PLEKHG4B: variants seen among roughly 807,000 people sequenced by gnomAD.
PLEKHG4B encodes the protein pleckstrin homology domain-containing family G member 4B.
In PLEKHG4B, 111 loss-of-function variants were observed where a neutral mutation model predicts 121.3. That is an observed-to-expected ratio of 0.92 (90% CI 0.78 to 1.07). PLEKHG4B has a LOEUF of 1.07. Ranked by LOEUF, PLEKHG4B falls within the 50% of genes least tolerant of loss-of-function variation. The pLI, the probability that PLEKHG4B is intolerant of heterozygous loss-of-function variation, is 0.00. For synonymous variants in PLEKHG4B, 738 were observed against 725.0 expected (o/e 1.02, Z -0.29); for missense variants, 1,831 against 1,757.8 (o/e 1.04, Z -0.74).
chr5:151,675 T>C, intron 7 of PLEKHG4B, 76 bp downstream of exon 7: 2 of 967,366 alleles, frequency 2.1e-6, no homozygotes, highest in Non-Finnish European at 3.1e-6. Context: ...ATGAAACACA[T>C]GAAGGAATTT....
chr5:160,344 T>C (rs926473355), intron 11 of PLEKHG4B, among the ~76,000 whole-genome samples: 2 of 152,212 alleles, frequency 1.3e-5, no homozygotes, highest in African/African-American at 4.8e-5. Flanking sequence ...GTGTTGACTC[T>C]GGATACATTC....
chr5:104,809 C>G (rs1487720291), intron 1 of PLEKHG4B, among the ~76,000 whole-genome samples: 5 of 152,232 alleles, frequency 3.3e-5, no homozygotes, highest in Admixed American at 3.3e-4. Flanking sequence ...AAAAGCACAA[C>G]AATCATGCGT....
chr5:151,079 T>C (rs949730525), intron 6 of PLEKHG4B, among the ~76,000 whole-genome samples: 5 of 152,220 alleles, frequency 3.3e-5, no homozygotes, highest in African/African-American at 1.2e-4. Flanking sequence ...GAGAGGCCAC[T>C]CCTGCCTGAG....
At chr5:136,194 G>A (rs1264136933) in intron 2 of PLEKHG4B, among the ~76,000 whole-genome samples, 1 of 152,108 alleles carries the variant, frequency 6.6e-6, no homozygotes, top group East Asian at 1.9e-4. Context: ...AGACCTAAAT[G>A]TCAAAACTAA....
chr5:174,156 G>T (rs1434056264), intron 18 of PLEKHG4B, 58 bp downstream of exon 18: 1 of 1,259,504 alleles, frequency 7.9e-7, no homozygotes, highest in East Asian at 2.8e-5. Context: ...AGGGGCAGGG[G>T]TCGGGGCTGG....
chr5:107,891 C>G (rs1734023058), intron 1 of PLEKHG4B, among the ~76,000 whole-genome samples: 1 of 152,150 alleles, frequency 6.6e-6, no homozygotes, highest in African/African-American at 2.4e-5. Flanking sequence ...TCCAGGTGTG[C>G]CAGGTTTGTA....
chr5:180,534 C>T (rs1372617449), intron 18 of PLEKHG4B, among the ~76,000 whole-genome samples: 2 of 152,192 alleles, frequency 1.3e-5, no homozygotes, highest in African/African-American at 4.8e-5. Context: ...CTGTGAACGC[C>T]ACATCTGCCC....
intron 7 of PLEKHG4B, among the ~76,000 whole-genome samples, chr5:154,621 CTTT>C (rs35893349): frequency 0.081 from 10,644 of 131,810 alleles, 606 homozygotes; most frequent in African/African-American, 0.21. Context: ...TCCTTCCTCC[CTTT>C]TTTTTTTTTT....
chr5:176,471 C>G (rs572525319), intron 18 of PLEKHG4B, among the ~76,000 whole-genome samples: 20 of 152,328 alleles, frequency 1.3e-4, no homozygotes, highest in Non-Finnish European at 2.8e-4. Flanking sequence ...ATGGCCGCCC[C>G]AGAATGCAGC....
At chr5:122,376 G>A (rs115910379) in intron 2 of PLEKHG4B, among the ~76,000 whole-genome samples, 5 of 152,046 alleles carry the variant, frequency 3.3e-5, no homozygotes, top group East Asian at 1.9e-4. Context: ...GCAACTGAAC[G>A]TTCGTTGTAT....
At chr5:98,060 T>C (rs1447843471) in intron 1 of PLEKHG4B, among the ~76,000 whole-genome samples, 1 of 152,188 alleles carries the variant, frequency 6.6e-6, no homozygotes, top group African/African-American at 2.4e-5. Context: ...TTATCTATTA[T>C]TATTCAGTTT....
At chr5:162,609 C>G in intron 12 of PLEKHG4B, 113 bp from the exon 13 acceptor site, 3 of 789,768 alleles carry the variant, frequency 3.8e-6, no homozygotes, top group Non-Finnish European at 5.3e-6. Context: ...TCTCGCTCTG[C>G]TTTCTGGCCC....
At chr5:152,377 C>CTT (rs34114320) in intron 7 of PLEKHG4B, among the ~76,000 whole-genome samples, 2 of 143,052 alleles carry the variant, frequency 1.4e-5, no homozygotes, top group Non-Finnish European at 1.5e-5. Flanking sequence ...TGCCAAGCTA[C>CTT]TTTTTTTTTT....
Position 107,357 on chromosome 5 carries a change from A to G in PLEKHG4B, c.46-5894A>G, listed in dbSNP as rs78277938. Among the ~76,000 whole-genome samples, 60 of 152,318 alleles carry G rather than the reference A, an allele frequency of 3.9e-4. 1 individual carries two copies. The East Asian group carries it at 0.011, about 29-fold the overall frequency. On this transcript the variant is annotated intron_variant, in intron 1 of 19. Transcript: ENST00000637938. ...GCTCTGGGCCCCATCCTGGGCACCCAGGCCCTGGCTCCACCCTGTCCTGCC... is the reference window on the plus strand; with the variant it reads ...GCTCTGGGCCCCATCCTGGGCACCCGGGCCCTGGCTCCACCCTGTCCTGCC...
intron 18 of PLEKHG4B, 141 bp from the exon 19 acceptor site, chr5:181,373 C>A: frequency 2.4e-6 from 2 of 841,060 alleles, no homozygotes; most frequent in Admixed American, 3.0e-5. Flanking sequence ...CCCTGGCCCC[C>A]CATGCCCCTC....
intron 12 of PLEKHG4B, 62 bp from the exon 13 acceptor site, chr5:162,660 T>A: frequency 8.1e-7 from 1 of 1,233,398 alleles, no homozygotes; most frequent in Non-Finnish European, 1.1e-6. Flanking sequence ...CAGCAGGGCC[T>A]GAGCTGGCTC....
intron 1 of PLEKHG4B, among the ~76,000 whole-genome samples, chr5:106,225 A>G (rs368793157): frequency 6.6e-6 from 1 of 152,184 alleles, no homozygotes; most frequent in African/African-American, 2.4e-5. Flanking sequence ...AGAACTGGGC[A>G]TAGCATATTG....
chr5:181,962 T>A (rs4956924), intron 19 of PLEKHG4B, 42 bp from the exon 20 acceptor site: 818,954 of 1,583,504 alleles, frequency 0.52, 219,226 homozygotes, highest in Non-Finnish European at 0.56. Flanking sequence ...GCTGCACTTC[T>A]GGAGCGGAAG....
rs867744072 is a variant in PLEKHG4B at position 162,790 on chromosome 5, G to A, written c.2718G>A (p.Arg906=). 9 of 1,490,136 alleles carry A rather than the reference G, an allele frequency of 6.0e-6. No individual in the cohort carries two copies. In the South Asian group the frequency reaches 1.1e-4, roughly 19 times the overall value. 92.3% of individuals were successfully genotyped at this position (1,490,136 alleles called of 1,614,324 possible). ...CPSSPVAECL[R]SCHQEATSVA... is the part of the protein sequence containing the mutation. ...CCTCACCCGTGGCTGAGTGTTTGAG[G>A]AGCTGTCACCAGGAGGCTACCTCGG... is the stretch of plus-strand genomic sequence containing the variant. Residue 906 remains arginine (R), a synonymous_variant, in exon 13 of 20, where the codon AGG becomes AGA. Coordinates refer to ENST00000637938, the MANE Select transcript of PLEKHG4B (RefSeq NM_052909.5).
Sources: gnomAD v4.1 joint callset for allele counts (sites outside exome capture counted in the v4.1 genomes callset) on GRCh38, gnomAD v4.1.1 for gene constraint, MANE v1.5 for transcripts, NCBI Gene and HGNC (gene_info 2026-07-23, HGNC 2026-07-21) for gene names.